ZMYND11: variants seen among roughly 807,000 people sequenced by gnomAD.
The protein encoded by ZMYND11 is zinc finger MYND domain-containing protein 11.
A neutral mutation model predicts 84.9 loss-of-function variants in ZMYND11; 9 were observed. The observed-to-expected ratio is 0.11, with a 90% confidence interval of 0.06 to 0.18. The LOEUF (loss-of-function observed/expected upper bound fraction) is 0.18. ZMYND11 is among the 10% of genes least tolerant of loss of function. The pLI is 1.00. For synonymous variants in ZMYND11, 250 were observed against 244.1 expected (o/e 1.02, Z -0.23); for missense variants, 409 against 761.0 (o/e 0.54, Z 5.44).
chr10:245,194 T>TGA (rs1220482839), intron 10 of ZMYND11, among the ~76,000 whole-genome samples: 1 of 152,118 alleles, frequency 6.6e-6, no homozygotes, highest in Non-Finnish European at 1.5e-5. Flanking sequence ...TTATGCCAGA[T>TGA]GAGACATAGT....
At position 165,171 on chromosome 10, in the gene ZMYND11, A is replaced by G. The variant is rs189043207; in HGVS notation, c.-19-14823A>G. On this transcript the variant is annotated intron_variant, in intron 1 of 14. Transcript: ENST00000381604. ...GTTGGGGTGCTATTATTTCACTAAG[A>G]CAGCTCTTGCCAAAGTCACCAGTGA... 1.3e-4 allele frequency among the ~76,000 whole-genome samples: 20 copies of G among 148,918 alleles called. No individual in the cohort carries two copies. The East Asian group carries it at 3.7e-3, about 27-fold the overall frequency.
chr10:236,211 C>CT (rs1167626036), intron 4 of ZMYND11, among the ~76,000 whole-genome samples: 1 of 152,172 alleles, frequency 6.6e-6, no homozygotes, highest in African/African-American at 2.4e-5. Flanking sequence ...TCCTTGTTTC[C>CT]TAGCTGTTTA....
chr10:155,822 T>C (rs17156316), intron 1 of ZMYND11, among the ~76,000 whole-genome samples: 34,625 of 152,114 alleles, frequency 0.23, 4,232 homozygotes, highest in South Asian at 0.33. Flanking sequence ...ACCAAAGAGG[T>C]CCTCGTTGGG....
intron 2 of ZMYND11, among the ~76,000 whole-genome samples, chr10:195,862 T>G (rs1941604248): frequency 1.3e-5 from 2 of 152,194 alleles, no homozygotes; most frequent in African/African-American, 2.4e-5. Context: ...TTAAAATAAT[T>G]TCTTATATGT....
Position 252,208 on chromosome 10 carries a change from G to A in ZMYND11, c.1687-140G>A. ...CCAGGGCTCCCTTTCCATCTGCTGT[G>A]CATAAAACGTATTCAGATTCCACAA... On this transcript the variant is annotated intron_variant, in intron 14 of 14. Transcript: ENST00000381604. This position sits in a 1 kb window ranked among gnomAD's most constrained non-coding sequence, Gnocchi z 4.6. 9.6e-7 allele frequency: 1 copy of A among 1,045,396 alleles called. No homozygotes were observed. Among genetic ancestry groups the A allele is most frequent in the South Asian group, 1.6e-5 (1 of 61,240 alleles). 64.8% of individuals were successfully genotyped at this position (1,045,396 alleles called of 1,614,324 possible).
chr10:239,946 G>A lies in ZMYND11; in HGVS notation c.698-110G>A. ...TATCGTTATTTTAAATGGACATTTT[G>A]GTTTGAAATGGTAGATGTCTACTTT... is the stretch of plus-strand genomic sequence containing the variant. On this transcript the variant is annotated intron_variant, in intron 7 of 14. Transcript: ENST00000381604. 3.7e-6 allele frequency: 3 copies of A among 807,950 alleles called. No individual in the cohort carries two copies. The South Asian group carries it at 5.9e-5, about 16-fold the overall frequency. 50.0% of individuals were successfully genotyped at this position (807,950 alleles called of 1,614,324 possible).
intron 1 of ZMYND11, among the ~76,000 whole-genome samples, chr10:138,294 A>AGGGGGCC (rs2131078108): frequency 1.8e-5 from 1 of 55,494 alleles, no homozygotes; most frequent in East Asian, 5.2e-4. Flanking sequence ...TATTTTTAGT[A>AGGGGGCC]GGGGGCCGGG....
intron 1 of ZMYND11, among the ~76,000 whole-genome samples, chr10:172,733 T>A (rs1468218775): frequency 6.6e-6 from 1 of 152,150 alleles, no homozygotes; most frequent in African/African-American, 2.4e-5. Context: ...TTCATGGATA[T>A]CAACAAACTG....
chr10:228,075 T>C (rs907761447), intron 4 of ZMYND11, among the ~76,000 whole-genome samples: 1 of 152,188 alleles, frequency 6.6e-6, no homozygotes, highest in African/African-American at 2.4e-5. Context: ...AATTTGCAGT[T>C]CACCACAAGC....
upstream of ZMYND11, among the ~76,000 whole-genome samples, chr10:132,508 C>A (rs1338618906): frequency 6.6e-6 from 1 of 151,952 alleles, no homozygotes; most frequent in African/African-American, 2.4e-5. Flanking sequence ...TGAGGGCTGC[C>A]CCGCAGCAGG....
chr10:225,377 A>T (rs1191354541), intron 4 of ZMYND11, among the ~76,000 whole-genome samples: 1 of 151,380 alleles, frequency 6.6e-6, no homozygotes, highest in African/African-American at 2.4e-5. Flanking sequence ...TTTAGGCAGG[A>T]TCTTGTTCTG....
chr10:246,480 TGAATCCAGTTCTG>T (rs1195730429), intron 10 of ZMYND11, among the ~76,000 whole-genome samples: 1 of 152,232 alleles, frequency 6.6e-6, no homozygotes, highest in Non-Finnish European at 1.5e-5. Flanking sequence ...GAGGCATTTG[TGAATCCAGTTCTG>T]AGAACTTTTG....
At chr10:247,051 T>A in intron 11 of ZMYND11, 78 bp downstream of exon 11, 1 of 1,370,460 alleles carries the variant, frequency 7.3e-7, no homozygotes, top group Non-Finnish European at 1.0e-6. Flanking sequence ...CTCCTCACTG[T>A]AATGAACAGA....
chr10:167,687 G>A (rs868950768), intron 1 of ZMYND11, among the ~76,000 whole-genome samples: 17 of 152,102 alleles, frequency 1.1e-4, no homozygotes, highest in Admixed American at 3.3e-4. Context: ...AAAGCATACA[G>A]CAGATTGATT....
intron 9 of ZMYND11, among the ~76,000 whole-genome samples, chr10:241,585 G>A (rs1203100496): frequency 1.3e-5 from 2 of 152,240 alleles, no homozygotes; most frequent in African/African-American, 4.8e-5. Context: ...AAATAATACA[G>A]CTTCAAACCG....
chr10:227,361 G>A (rs1042489494), intron 4 of ZMYND11, among the ~76,000 whole-genome samples: 2 of 152,162 alleles, frequency 1.3e-5, no homozygotes, highest in African/African-American at 2.4e-5. Flanking sequence ...GGAGTCTATA[G>A]AAAGCATTTA....
intron 1 of ZMYND11, among the ~76,000 whole-genome samples, chr10:147,172 G>C (rs1295226706): frequency 6.6e-6 from 1 of 152,128 alleles, no homozygotes; most frequent in Non-Finnish European, 1.5e-5. Flanking sequence ...GGGTTTTCTA[G>C]GTATATGAGC....
intron 1 of ZMYND11, among the ~76,000 whole-genome samples, chr10:140,190 G>A (rs532370496): frequency 1.3e-5 from 2 of 152,194 alleles, no homozygotes; most frequent in African/African-American, 4.8e-5. Context: ...TAACATAAAA[G>A]TTTGAGAGTC....
At chr10:215,111 C>T (rs931531743) in intron 3 of ZMYND11, among the ~76,000 whole-genome samples, 4 of 152,136 alleles carry the variant, frequency 2.6e-5, no homozygotes. Context: ...GCCCTTGGCA[C>T]AAAGCTAGAA....
Sources: gnomAD v4.1 joint callset for allele counts (sites outside exome capture counted in the v4.1 genomes callset) on GRCh38, gnomAD v4.1.1 for gene constraint, Gnocchi (gnomAD v3.1) non-coding constraint, MANE v1.5 for transcripts, NCBI Gene and HGNC (gene_info 2026-07-23, HGNC 2026-07-21) for gene names.